LRRTM4: variants seen among roughly 807,000 people sequenced by gnomAD.
The protein encoded by LRRTM4 is leucine rich repeat transmembrane neuronal 4, also known as leucine-rich repeat transmembrane neuronal protein 4.
In LRRTM4, 25 loss-of-function variants were observed where a neutral mutation model predicts 47.6. The ratio of observed to expected loss-of-function variants is 0.53; its 90% CI spans 0.38 to 0.73. The LOEUF (loss-of-function observed/expected upper bound fraction) is 0.73, where lower values mean the gene tolerates loss of function less well. Ranked by LOEUF, LRRTM4 falls within the 30% of genes least tolerant of loss-of-function variation. The pLI is 0.00. For synonymous variants in LRRTM4, 311 were observed against 269.5 expected (o/e 1.15, Z -1.51); for missense variants, 638 against 713.4 (o/e 0.89, Z 1.20).
chr2:77,459,210 C>T (rs754515508), intron 3 of LRRTM4, among the ~76,000 whole-genome samples: 4 of 152,130 alleles, frequency 2.6e-5, no homozygotes, highest in African/African-American at 9.6e-5. Context: ...TTATCTTCAC[C>T]TCATTGCTGG....
intron 3 of LRRTM4, among the ~76,000 whole-genome samples, chr2:76,907,330 C>T (rs968120328): frequency 1.8e-4 from 27 of 151,106 alleles, no homozygotes; most frequent in East Asian, 7.8e-4. Context: ...ATCTCTGGGA[C>T]GCATTCAAAG....
intron 3 of LRRTM4, among the ~76,000 whole-genome samples, chr2:77,242,860 C>T (rs976238015): frequency 5.9e-5 from 9 of 152,100 alleles, no homozygotes; most frequent in South Asian, 2.1e-4. Context: ...TCCAAGAATT[C>T]CACTTCTAGG....
chr2:76,899,584 T>G (rs13399291), intron 3 of LRRTM4, among the ~76,000 whole-genome samples: 305 of 152,166 alleles, frequency 2.0e-3, no homozygotes, highest in African/African-American at 7.0e-3. Context: ...TGTGAATTCA[T>G]GTCTGACACG....
intron 3 of LRRTM4, among the ~76,000 whole-genome samples, chr2:76,858,504 G>A (rs895009805): frequency 5.3e-5 from 8 of 152,266 alleles, no homozygotes; most frequent in African/African-American, 1.9e-4. Context: ...TCGGGGAGGA[G>A]TGGGGCTATA....
At position 77,205,694 on chromosome 2, in the gene LRRTM4, A is replaced by G. The variant is rs1378540190; in HGVS notation, c.1551+312624T>C. Reference sequence around the variant, plus strand: ...GTATATTATTCTGATTCTAATGGAAATCCACGAAGTTTTCGAGCAGGTTTA... The same window carrying G: ...GTATATTATTCTGATTCTAATGGAAGTCCACGAAGTTTTCGAGCAGGTTTA... On this transcript the variant is annotated intron_variant, in intron 3 of 3. Coordinates refer to ENST00000409884, the MANE Select transcript of LRRTM4 (RefSeq NM_001134745.3). 9.9e-5 allele frequency among the ~76,000 whole-genome samples: 15 copies of G among 152,164 alleles called. 1 individual carries two copies.
intron 3 of LRRTM4, among the ~76,000 whole-genome samples, chr2:77,062,311 C>T (rs529510312): frequency 4.6e-5 from 7 of 152,124 alleles, no homozygotes; most frequent in Non-Finnish European, 1.0e-4. Flanking sequence ...AATCAAAAAG[C>T]ATATGTCAGG....
At chr2:76,880,261 C>A (rs761431755) in intron 3 of LRRTM4, among the ~76,000 whole-genome samples, 2 of 152,078 alleles carry the variant, frequency 1.3e-5, no homozygotes, top group Non-Finnish European at 2.9e-5. Context: ...CCAAGGGAAA[C>A]TTTATTATCT....
intron 3 of LRRTM4, among the ~76,000 whole-genome samples, chr2:77,134,226 CT>C (rs1671874403): frequency 6.6e-6 from 1 of 151,992 alleles, no homozygotes. Flanking sequence ...GGTGCTAGGT[CT>C]TTCAAATTGG....
intron 3 of LRRTM4, among the ~76,000 whole-genome samples, chr2:77,386,425 A>C (rs544089018): frequency 6.6e-6 from 1 of 152,186 alleles, no homozygotes; most frequent in South Asian, 2.1e-4. Context: ...AGCTTCATCC[A>C]TATCCCTGCA....
intron 3 of LRRTM4, among the ~76,000 whole-genome samples, chr2:77,448,669 TGAGA>T (rs1676144377): frequency 6.6e-6 from 1 of 152,166 alleles, no homozygotes; most frequent in South Asian, 2.1e-4. Context: ...AGTGTGGGCA[TGAGA>T]GAGAGTCTCT....
intron 3 of LRRTM4, among the ~76,000 whole-genome samples, chr2:77,063,077 C>T (rs1679842590): frequency 6.6e-6 from 1 of 151,500 alleles, no homozygotes; most frequent in Non-Finnish European, 1.5e-5. Flanking sequence ...GCCTCAGCCT[C>T]CTGAGAAGCT....
chr2:76,920,645 G>GT (rs112963587), intron 3 of LRRTM4, among the ~76,000 whole-genome samples: 26,215 of 151,928 alleles, frequency 0.17, 2,417 homozygotes, highest in Admixed American at 0.23. Context: ...TGGTTTGTTG[G>GT]TTTAGAGGTG....
chr2:77,032,066 A>G (rs1318638152), intron 3 of LRRTM4, among the ~76,000 whole-genome samples: 1 of 152,150 alleles, frequency 6.6e-6, no homozygotes, highest in Non-Finnish European at 1.5e-5. Context: ...GGTGCAAACC[A>G]CCATTAACTT....
chr2:76,991,828 A>G (rs1677020192), intron 3 of LRRTM4, among the ~76,000 whole-genome samples: 1 of 151,788 alleles, frequency 6.6e-6, no homozygotes, highest in African/African-American at 2.4e-5. Flanking sequence ...CACAAACACA[A>G]CAAAAAAAGA....
Position 77,287,871 on chromosome 2 carries a change from A to T in LRRTM4, c.1551+230447T>A, listed in dbSNP as rs548524560. Among the ~76,000 whole-genome samples the T allele has an allele frequency of 2.0e-5, 3 of 152,300 alleles. No individual in the cohort carries two copies. In the South Asian group the frequency reaches 6.2e-4, roughly 32 times the overall value. The stretch of plus-strand genomic sequence containing the variant: ...CAACATAGTATACATAGGGTTTGGT[A>T]CTATCCGTGCCTTGGGCACCCACTG... On this transcript the variant is annotated intron_variant, in intron 3 of 3. Coordinates refer to ENST00000409884, the MANE Select transcript of LRRTM4 (RefSeq NM_001134745.3).
intron 3 of LRRTM4, among the ~76,000 whole-genome samples, chr2:77,003,021 A>T (rs2104030189): frequency 6.6e-6 from 1 of 152,264 alleles, no homozygotes; most frequent in East Asian, 1.9e-4. Flanking sequence ...GTTATGTAGA[A>T]TAGACTTGAC....
Position 76,782,485 on chromosome 2 carries a change from C to T in LRRTM4, c.1552-33569G>A, listed in dbSNP as rs186399410. On this transcript the variant is annotated intron_variant, in intron 3 of 3. Coordinates refer to ENST00000409884, the MANE Select transcript of LRRTM4 (RefSeq NM_001134745.3). The stretch of plus-strand genomic sequence containing the variant: ...TAAGCAAATATTCACAACACTTGAG[C>T]TCACTGCAATAGCAACAGGAGGTGA... Among the ~76,000 whole-genome samples the T allele has an allele frequency of 3.8e-4, 58 of 152,288 alleles. 1 individual carries two copies. The East Asian group carries it at 6.4e-3, about 17-fold the overall frequency.
At chr2:76,915,840 A>G (rs1558736123) in intron 3 of LRRTM4, among the ~76,000 whole-genome samples, 1 of 152,188 alleles carries the variant, frequency 6.6e-6, no homozygotes, top group Non-Finnish European at 1.5e-5. Flanking sequence ...TATCCTTATC[A>G]ATATTCAATA....
chr2:77,046,905 G>T (rs1679253957), intron 3 of LRRTM4, among the ~76,000 whole-genome samples: 1 of 151,958 alleles, frequency 6.6e-6, no homozygotes, highest in Non-Finnish European at 1.5e-5. Flanking sequence ...AAAAGAAAGG[G>T]AAGCAGAAGC....
Sources: gnomAD v4.1 joint callset for allele counts (sites outside exome capture counted in the v4.1 genomes callset) on GRCh38, gnomAD v4.1.1 for gene constraint, MANE v1.5 for transcripts, NCBI Gene and HGNC (gene_info 2026-07-23, HGNC 2026-07-21) for gene names.